Variants in ABI3BP observed in about 807,000 individuals in gnomAD.
ABI3BP encodes ABI family member 3 binding protein.
A neutral mutation model predicts 268.6 loss-of-function variants in ABI3BP; 216 were observed. That is an observed-to-expected ratio of 0.80 (90% CI 0.72 to 0.90). The LOEUF (loss-of-function observed/expected upper bound fraction) is 0.90. Among genes scored for constraint, ABI3BP ranks in the 40% least tolerant of loss-of-function variants. The pLI, the probability that ABI3BP is intolerant of heterozygous loss-of-function variation, is 0.00. For synonymous variants in ABI3BP, 730 were observed against 730.0 expected (o/e 1.00, Z 0.00); for missense variants, 2,090 against 2,182.4 (o/e 0.96, Z 0.84).
intron 1 of ABI3BP, among the ~76,000 whole-genome samples, chr3:100,933,351 T>C (rs1161063991): frequency 6.6e-6 from 1 of 151,894 alleles, no homozygotes; most frequent in Non-Finnish European, 1.5e-5. Context: ...ATTAAACACA[T>C]AACCCTATTC....
At chr3:100,800,219 T>G (rs938939115) in intron 51 of ABI3BP, among the ~76,000 whole-genome samples, 2 of 152,110 alleles carry the variant, frequency 1.3e-5, no homozygotes, top group Non-Finnish European at 2.9e-5. Flanking sequence ...TAATCTTTTT[T>G]TTTTTTTGCC....
chr3:100,878,347 G>A (rs1325436896), intron 6 of ABI3BP, among the ~76,000 whole-genome samples: 2 of 152,122 alleles, frequency 1.3e-5, no homozygotes, highest in African/African-American at 4.8e-5. Context: ...TTTCTTGTAA[G>A]CCAACATTCA....
At chr3:100,827,580 AT>A (rs1394416096) in intron 34 of ABI3BP, among the ~76,000 whole-genome samples, 1 of 152,170 alleles carries the variant, frequency 6.6e-6, no homozygotes, top group East Asian at 1.9e-4. Context: ...CTTAAAAAAA[AT>A]CTTTAGCTTT....
intron 4 of ABI3BP, among the ~76,000 whole-genome samples, chr3:100,892,531 T>C (rs2045218836): frequency 2.0e-5 from 3 of 152,216 alleles, no homozygotes; most frequent in Non-Finnish European, 4.4e-5. Flanking sequence ...ATGAAAATAT[T>C]CCATGGACAA....
intron 2 of ABI3BP, among the ~76,000 whole-genome samples, chr3:100,922,524 G>A (rs554614159): frequency 8.2e-5 from 4 of 49,060 alleles, no homozygotes; most frequent in Admixed American, 1.9e-4. Context: ...GATGTGATGC[G>A]ATGGTGATGG....
intron 17 of ABI3BP, among the ~76,000 whole-genome samples, chr3:100,849,697 G>T (rs934874995): frequency 2.0e-5 from 3 of 152,112 alleles, no homozygotes; most frequent in Non-Finnish European, 4.4e-5. Context: ...AGACTACTTT[G>T]GGTAAAATAC....
chr3:100,910,830 A>C (rs1256593507), intron 2 of ABI3BP: 1 of 152,232 alleles, frequency 6.6e-6, no homozygotes, highest in Admixed American at 6.5e-5. Flanking sequence ...TACTGCAAAC[A>C]GGGGAATATA....
intron 36 of ABI3BP, among the ~76,000 whole-genome samples, chr3:100,824,061 C>A (rs1405496424): frequency 1.3e-5 from 2 of 152,120 alleles, no homozygotes; most frequent in Non-Finnish European, 2.9e-5. Flanking sequence ...GGTCACTCAG[C>A]CTGTAATAAT....
chr3:100,754,855 C>A (rs934858387), intron 63 of ABI3BP, among the ~76,000 whole-genome samples, 164 bp from the exon 64 acceptor site: 5 of 152,102 alleles, frequency 3.3e-5, no homozygotes, highest in Non-Finnish European at 7.4e-5. Context: ...AAAATGATTT[C>A]TTAGTTTTAC....
chr3:100,832,186 G>C, intron 31 of ABI3BP, 78 bp downstream of exon 31: 1 of 1,363,840 alleles, frequency 7.3e-7, no homozygotes, highest in South Asian at 1.3e-5. Flanking sequence ...CAACACAATA[G>C]ATTATATGTA....
chr3:100,830,106 CATACATATATAT>C (rs1237785173), intron 32 of ABI3BP, among the ~76,000 whole-genome samples: 183 of 76,882 alleles, frequency 2.4e-3, no homozygotes, highest in African/African-American at 0.011. Context: ...TACATACATA[CATACATATATAT>C]ATATATATAT....
At chr3:100,843,649 A>G in intron 20 of ABI3BP, 2 of 982,994 alleles carry the variant, frequency 2.0e-6, no homozygotes, top group Non-Finnish European at 2.4e-6. Flanking sequence ...GAGAAAGAGA[A>G]AGGGAATTGT....
intron 1 of ABI3BP, among the ~76,000 whole-genome samples, chr3:100,969,413 C>T (rs1039856602): frequency 2.0e-5 from 3 of 152,194 alleles, no homozygotes; most frequent in African/African-American, 7.2e-5. Context: ...GCATCCCCTG[C>T]TGCCTCATGC....
At chr3:100,809,350 A>G (rs1395602241) in intron 49 of ABI3BP, among the ~76,000 whole-genome samples, 1 of 152,054 alleles carries the variant, frequency 6.6e-6, no homozygotes, top group African/African-American at 2.4e-5. Context: ...CTACTTACTA[A>G]GGTTCTAACT....
rs115918731 is a variant in ABI3BP at position 100,892,652 on chromosome 3, A to G, written c.461+6110T>C. ...TCTCTGTAGAACAGCAACAAAAGCA[A>G]TTTCTGAGAGCTTTTAAAAATGCAG... On this transcript the variant is annotated intron_variant, in intron 4 of 67. Coordinates refer to ENST00000471714, the MANE Select transcript of ABI3BP (RefSeq NM_001375547.2). Among the ~76,000 whole-genome samples, 626 of 152,314 alleles carry G rather than the reference A, an allele frequency of 4.1e-3. 2 individuals carry two copies. Among genetic ancestry groups the G allele is most frequent in the African/African-American group, 0.014 (601 of 41,564 alleles).
chr3:100,985,877 A>G (rs150665971), intron 1 of ABI3BP, among the ~76,000 whole-genome samples: 64 of 152,324 alleles, frequency 4.2e-4, no homozygotes, highest in Non-Finnish European at 7.8e-4. Flanking sequence ...TTAAACCAGT[A>G]TATTATCTGG....
intron 62 of ABI3BP, among the ~76,000 whole-genome samples, chr3:100,767,465 G>A (rs2096330354): frequency 6.6e-6 from 1 of 151,894 alleles, no homozygotes; most frequent in Non-Finnish European, 1.5e-5. Flanking sequence ...CTGGCTCTCC[G>A]AACGGACTGG....
chr3:100,854,434 C>A (rs2098915712), intron 14 of ABI3BP, among the ~76,000 whole-genome samples: 1 of 152,172 alleles, frequency 6.6e-6, no homozygotes. Context: ...CCCTAACAAT[C>A]AACAGCTCTT....
intron 2 of ABI3BP, among the ~76,000 whole-genome samples, chr3:100,921,057 G>A (rs1463508100): frequency 6.6e-6 from 1 of 152,186 alleles, no homozygotes; most frequent in South Asian, 2.1e-4. Context: ...ACTTGAAGGA[G>A]TTATAGGCAA....
Sources: allele counts gnomAD v4.1 joint callset (sites outside exome capture counted in the v4.1 genomes callset), GRCh38; gene constraint gnomAD v4.1.1; transcripts MANE v1.5; gene names NCBI Gene and HGNC (gene_info 2026-07-23, HGNC 2026-07-21).